Variants in CNTNAP2 observed in about 807,000 individuals in gnomAD.
CNTNAP2 encodes the protein contactin-associated protein-like 2.
In CNTNAP2, 98 loss-of-function variants were observed where a neutral mutation model predicts 155.2. The ratio of observed to expected loss-of-function variants is 0.63; its 90% CI spans 0.54 to 0.75. The LOEUF (loss-of-function observed/expected upper bound fraction) is 0.75, where lower values mean the gene tolerates loss of function less well. Among genes scored for constraint, CNTNAP2 ranks in the 30% least tolerant of loss-of-function variants. The probability of loss-of-function intolerance (pLI) is 0.00; values close to 1 mark genes in which losing one functional copy is unlikely to be tolerated. For missense variants in CNTNAP2, 1,727 were observed against 1,688.1 expected, an observed-to-expected ratio of 1.02 and a Z score of -0.40; for synonymous variants, 651 against 631.2, an observed-to-expected ratio of 1.03 and a Z score of -0.47.
At chr7:147,614,542 A>G (rs1346598343) in intron 12 of CNTNAP2, among the ~76,000 whole-genome samples, 1 of 151,756 alleles carries the variant, frequency 6.6e-6, no homozygotes, top group African/African-American at 2.4e-5. Context: ...TTTAAGCTGT[A>G]GACTTTTCTA....
chr7:146,933,970 G>A (rs1228485297), intron 3 of CNTNAP2, among the ~76,000 whole-genome samples: 6 of 152,098 alleles, frequency 3.9e-5, no homozygotes, highest in Non-Finnish European at 8.8e-5. Flanking sequence ...TGGAGAAATA[G>A]GAACACTTTT....
chr7:147,033,054 A>G (rs1173902981), intron 3 of CNTNAP2, among the ~76,000 whole-genome samples: 1 of 151,054 alleles, frequency 6.6e-6, no homozygotes, highest in African/African-American at 2.4e-5. Context: ...TAGTACGATT[A>G]TTCTAAAATG....
intron 7 of CNTNAP2, among the ~76,000 whole-genome samples, chr7:147,129,270 G>A (rs1423030408): frequency 6.6e-6 from 1 of 152,112 alleles, no homozygotes; most frequent in South Asian, 2.1e-4. Flanking sequence ...TTCCAAAGAT[G>A]ATTTGTTTGA....
chr7:147,115,213 C>T (rs1188944380), intron 5 of CNTNAP2, among the ~76,000 whole-genome samples: 1 of 152,142 alleles, frequency 6.6e-6, no homozygotes, highest in East Asian at 1.9e-4. Flanking sequence ...TAGTGGGTGA[C>T]CTGGCCTTTC....
At chr7:147,536,585 G>C (rs1049846228) in intron 11 of CNTNAP2, among the ~76,000 whole-genome samples, 5 of 152,046 alleles carry the variant, frequency 3.3e-5, no homozygotes, top group African/African-American at 1.2e-4. Context: ...GCGAGTGAGG[G>C]GAAATATCTG....
intron 12 of CNTNAP2, among the ~76,000 whole-genome samples, chr7:147,568,811 T>C (rs1186815313): frequency 1.3e-5 from 2 of 152,212 alleles, no homozygotes; most frequent in South Asian, 4.1e-4. Context: ...CACTTAGTTC[T>C]TTCTGCTAGA....
intron 1 of CNTNAP2, among the ~76,000 whole-genome samples, chr7:146,398,055 G>A (rs1795658112): frequency 6.6e-6 from 1 of 151,626 alleles, no homozygotes; most frequent in Admixed American, 6.6e-5. Context: ...TGCATTTTTT[G>A]TGGAGAGCGT....
chr7:146,908,462 C>A (rs1796195280), intron 3 of CNTNAP2, among the ~76,000 whole-genome samples: 2 of 140,934 alleles, frequency 1.4e-5, no homozygotes, highest in South Asian at 4.8e-4. Flanking sequence ...TCTCAGACCA[C>A]AGTGCAATCA....
chr7:146,395,779 T>TAGATGATAGAGAGA (rs11462122), intron 1 of CNTNAP2, among the ~76,000 whole-genome samples: 2 of 122,024 alleles, frequency 1.6e-5, no homozygotes, highest in African/African-American at 7.2e-5. Context: ...GATAGACAGA[T>TAGATGATAGAGAGA]GATAGATAGA....
chr7:148,319,033 G>A (rs1488625344), intron 21 of CNTNAP2, among the ~76,000 whole-genome samples: 1 of 152,204 alleles, frequency 6.6e-6, no homozygotes, highest in Non-Finnish European at 1.5e-5. Context: ...GCTTTTGATT[G>A]CATTACAAGC....
chr7:146,158,591 C>T (rs535158460), intron 1 of CNTNAP2, among the ~76,000 whole-genome samples: 61 of 152,132 alleles, frequency 4.0e-4, no homozygotes, highest in Middle Eastern at 6.8e-3. Context: ...AACTATGTGA[C>T]GCATGTGCAA....
At chr7:146,800,897 G>A (rs1802864888) in intron 2 of CNTNAP2, among the ~76,000 whole-genome samples, 1 of 151,888 alleles carries the variant, frequency 6.6e-6, no homozygotes, top group South Asian at 2.1e-4. Flanking sequence ...TTTCCCACAT[G>A]CAATGTGGGA....
chr7:146,755,970 A>G (rs1801988416), intron 1 of CNTNAP2, among the ~76,000 whole-genome samples: 1 of 151,942 alleles, frequency 6.6e-6, no homozygotes, highest in Non-Finnish European at 1.5e-5. Flanking sequence ...TGAATATGAA[A>G]CGAAAGTGGA....
chr7:148,371,177 C>T (rs1345010333), intron 21 of CNTNAP2, among the ~76,000 whole-genome samples: 1 of 152,058 alleles, frequency 6.6e-6, no homozygotes, highest in Non-Finnish European at 1.5e-5. Context: ...ATACCAGAGT[C>T]CTGAGGGGTT....
intron 9 of CNTNAP2, among the ~76,000 whole-genome samples, chr7:147,346,153 A>ATTTT (rs1276421589): frequency 2.3e-5 from 1 of 43,644 alleles, no homozygotes; most frequent in Non-Finnish European, 3.9e-5. Flanking sequence ...ATTTTATTTT[A>ATTTT]TTTTTTTTTT....
intron 4 of CNTNAP2, among the ~76,000 whole-genome samples, chr7:147,092,203 C>T (rs566162026): frequency 6.6e-6 from 1 of 152,280 alleles, no homozygotes; most frequent in African/African-American, 2.4e-5. Context: ...CAAATGTATC[C>T]TGTTTCCAAG....
chr7:147,980,768 C>CAAAAAAAAAAAAAAAAAAAAA (rs375398761), intron 15 of CNTNAP2, among the ~76,000 whole-genome samples: 1 of 135,646 alleles, frequency 7.4e-6, no homozygotes, highest in African/African-American at 2.9e-5. Flanking sequence ...ACTAAAAATA[C>CAAAAAAAAAAAAAAAAAAAAA]AAAAAAAAAA....
intron 1 of CNTNAP2, among the ~76,000 whole-genome samples, chr7:146,518,827 A>G (rs1797576732): frequency 6.6e-6 from 1 of 151,842 alleles, no homozygotes; most frequent in South Asian, 2.1e-4. Flanking sequence ...TTAAAGACAC[A>G]CTGCACAATT....
intron 21 of CNTNAP2, among the ~76,000 whole-genome samples, chr7:148,317,208 A>T (rs992861031): frequency 1.3e-5 from 2 of 152,236 alleles, no homozygotes; most frequent in African/African-American, 4.8e-5. Flanking sequence ...ATACAGAATT[A>T]GCCAGGCGTG....
Sources: allele counts gnomAD v4.1 joint callset (sites outside exome capture counted in the v4.1 genomes callset), GRCh38; gene constraint gnomAD v4.1.1; transcripts MANE v1.5; gene names NCBI Gene and HGNC (gene_info 2026-07-23, HGNC 2026-07-21).